The following AUTS2 variants were observed in gnomAD, a reference collection of about 807,000 sequenced individuals.
AUTS2 encodes autism susceptibility gene 2 protein.
A neutral mutation model predicts 112.4 loss-of-function variants in AUTS2; 17 were observed. That is an observed-to-expected ratio of 0.15 (90% CI 0.10 to 0.23). The LOEUF is 0.23. AUTS2 is among the 10% of genes least tolerant of loss of function. The probability of loss-of-function intolerance (pLI) is 1.00; values close to 1 mark genes in which losing one functional copy is unlikely to be tolerated. For synonymous variants in AUTS2, 751 were observed against 702.7 expected, an observed-to-expected ratio of 1.07 and a Z score of -1.09; for missense variants, 1,510 against 1,701.6, an observed-to-expected ratio of 0.89 and a Z score of 1.98.
chr7:69,655,367 T>TA (rs1458324489), intron 1 of AUTS2, among the ~76,000 whole-genome samples: 1 of 146,462 alleles, frequency 6.8e-6, no homozygotes, highest in Non-Finnish European at 1.5e-5. Flanking sequence ...TGAAAACAAT[T>TA]ACCTGACTTT....
intron 2 of AUTS2, among the ~76,000 whole-genome samples, chr7:70,000,810 C>T (rs895833984): frequency 2.0e-5 from 3 of 152,164 alleles, no homozygotes; most frequent in Non-Finnish European, 4.4e-5. Context: ...CAGTTTTGGG[C>T]CATGGTCTCT....
At chr7:70,104,625 T>C (rs1351422701) in intron 2 of AUTS2, among the ~76,000 whole-genome samples, 1 of 151,996 alleles carries the variant, frequency 6.6e-6, no homozygotes, top group African/African-American at 2.4e-5. Flanking sequence ...ACCATCTGTT[T>C]GTTATGATGA....
chr7:70,444,105 G>A (rs775663268), intron 5 of AUTS2, among the ~76,000 whole-genome samples: 2 of 152,130 alleles, frequency 1.3e-5, no homozygotes, highest in Non-Finnish European at 2.9e-5. Flanking sequence ...GAGGCTGGGG[G>A]AGGTGATGGC....
intron 5 of AUTS2, among the ~76,000 whole-genome samples, chr7:70,544,857 A>C (rs1345767836): frequency 6.6e-6 from 1 of 152,030 alleles, no homozygotes; most frequent in Non-Finnish European, 1.5e-5. Context: ...AAGACGGCTT[A>C]TTTACCTGGG....
intron 2 of AUTS2, among the ~76,000 whole-genome samples, chr7:69,925,479 C>T (rs1562972023): frequency 6.6e-6 from 1 of 152,104 alleles, no homozygotes. Flanking sequence ...TCTGATTTCC[C>T]TTGTGACTTC....
At chr7:69,722,531 T>G (rs949523036) in intron 1 of AUTS2, among the ~76,000 whole-genome samples, 2 of 152,050 alleles carry the variant, frequency 1.3e-5, no homozygotes, top group African/African-American at 4.8e-5. Context: ...AGCTGGAAAT[T>G]TGCTATGTTG....
intron 5 of AUTS2, among the ~76,000 whole-genome samples, chr7:70,443,336 G>A (rs569985976): frequency 2.0e-5 from 3 of 152,292 alleles, no homozygotes; most frequent in African/African-American, 7.2e-5. Context: ...TCACTCACCA[G>A]CTGTATGGCC....
At chr7:69,890,149 C>T (rs1794456578) in intron 1 of AUTS2, among the ~76,000 whole-genome samples, 1 of 152,066 alleles carries the variant, frequency 6.6e-6, no homozygotes, top group African/African-American at 2.4e-5. Flanking sequence ...CATCTGGTTG[C>T]CAGGGACTCA....
At chr7:70,313,315 G>A (rs1369409124) in intron 4 of AUTS2, among the ~76,000 whole-genome samples, 1 of 152,192 alleles carries the variant, frequency 6.6e-6, no homozygotes, top group Non-Finnish European at 1.5e-5. Flanking sequence ...TAAGTGCTCT[G>A]AAGCTACCAA....
chr7:70,298,019 T>G (rs993573776), intron 4 of AUTS2, among the ~76,000 whole-genome samples: 20 of 151,406 alleles, frequency 1.3e-4, no homozygotes, highest in South Asian at 2.1e-4. Context: ...CTTTTTTTGG[T>G]TTTTTTTGGG....
At chr7:70,558,081 G>C (rs771721528) in intron 5 of AUTS2, among the ~76,000 whole-genome samples, 2 of 152,032 alleles carry the variant, frequency 1.3e-5, no homozygotes, top group Non-Finnish European at 2.9e-5. Flanking sequence ...AATTCCACAA[G>C]TATTCTTCCT....
At chr7:70,522,230 TA>T (rs1799672938) in intron 5 of AUTS2, among the ~76,000 whole-genome samples, 1 of 152,062 alleles carries the variant, frequency 6.6e-6, no homozygotes, top group African/African-American at 2.4e-5. Flanking sequence ...ATGCATCAAA[TA>T]AATTGAAGTG....
intron 5 of AUTS2, among the ~76,000 whole-genome samples, chr7:70,526,393 C>T (rs1026656952): frequency 6.6e-6 from 1 of 152,140 alleles, no homozygotes; most frequent in Non-Finnish European, 1.5e-5. Flanking sequence ...CTTCTGAGGC[C>T]GTGTGCGGTG....
intron 5 of AUTS2, among the ~76,000 whole-genome samples, chr7:70,600,062 G>C (rs1355492560): frequency 6.6e-6 from 1 of 152,180 alleles, no homozygotes; most frequent in Non-Finnish European, 1.5e-5. Flanking sequence ...CAGAAACTAG[G>C]GTGGGGCTCA....
intron 4 of AUTS2, among the ~76,000 whole-genome samples, chr7:70,277,760 T>C (rs1787995341): frequency 6.6e-6 from 1 of 152,156 alleles, no homozygotes; most frequent in South Asian, 2.1e-4. Context: ...TGTTTTTTGT[T>C]GTTGTGTATG....
intron 5 of AUTS2, among the ~76,000 whole-genome samples, chr7:70,657,821 C>G (rs73451617): frequency 6.6e-6 from 1 of 152,090 alleles, no homozygotes; most frequent in Non-Finnish European, 1.5e-5. Context: ...AACAAGTAAC[C>G]TCATGTTTCT....
chr7:69,884,327 G>T (rs1352831804), intron 1 of AUTS2, among the ~76,000 whole-genome samples: 1 of 152,172 alleles, frequency 6.6e-6, no homozygotes, highest in Admixed American at 6.5e-5. Flanking sequence ...TGTGCCTTAT[G>T]TTTTTATATA....
chr7:69,994,800 A>G (rs1798876176), intron 2 of AUTS2, among the ~76,000 whole-genome samples: 1 of 152,220 alleles, frequency 6.6e-6, no homozygotes, highest in African/African-American at 2.4e-5. Flanking sequence ...GCAAGAATTA[A>G]CAATAAATGC....
At chr7:70,729,225 C>T (rs1460648226) in intron 6 of AUTS2, 1 of 456,288 alleles carries the variant, frequency 2.2e-6, no homozygotes. Context: ...GTTAAAGGTA[C>T]CATGGCTGGG....
Sources: allele counts gnomAD v4.1 joint callset (sites outside exome capture counted in the v4.1 genomes callset), GRCh38; gene constraint gnomAD v4.1.1; transcripts MANE v1.5; gene names NCBI Gene and HGNC (gene_info 2026-07-23, HGNC 2026-07-21).